ARAP2: variants seen among roughly 807,000 people sequenced by gnomAD.
The protein encoded by ARAP2 is ArfGAP with RhoGAP domain, ankyrin repeat and PH domain 2.
Under a neutral mutation model 194.5 loss-of-function variants are expected in ARAP2, and 148 were observed. That is an observed-to-expected ratio of 0.76 (90% CI 0.67 to 0.87). The LOEUF is 0.87. Ranked by LOEUF, ARAP2 falls within the 40% of genes least tolerant of loss-of-function variation. The pLI is 0.00. For synonymous variants in ARAP2, 695 were observed against 683.5 expected, an observed-to-expected ratio of 1.02 and a Z score of -0.26; for missense variants, 2,128 against 1,989.7, an observed-to-expected ratio of 1.07 and a Z score of -1.32.
intron 2 of ARAP2, among the ~76,000 whole-genome samples, chr4:36,055,682 A>C (rs925821881): frequency 6.6e-6 from 1 of 151,062 alleles, no homozygotes; most frequent in Non-Finnish European, 1.5e-5. Flanking sequence ...TCCTACCTCA[A>C]CCTCCCAAGG....
chr4:36,007,197 C>T (rs28373164), intron 9 of ARAP2, among the ~76,000 whole-genome samples: 40,350 of 152,030 alleles, frequency 0.27, 5,310 homozygotes, highest in South Asian at 0.32. Context: ...TTGTGGCCCC[C>T]GAAATATATT....
chr4:36,194,203 A>G, intron 6 of ARAP2, among the ~76,000 whole-genome samples: 1 of 152,226 alleles, frequency 6.6e-6, no homozygotes, highest in East Asian at 1.9e-4. Context: ...TTTTTAAATG[A>G]TCATATGAAA....
intron 4 of ARAP2, 146 bp downstream of exon 4, chr4:36,213,097 T>G (rs1484175716): frequency 3.1e-6 from 2 of 636,500 alleles, no homozygotes; most frequent in African/African-American, 3.8e-5. Context: ...ACCATAATTT[T>G]ACTGAACAAA....
rs544277747 is a variant in ARAP2, at chr4:36,108,263, T to C, written c.4157-570A>G. 2.7e-4 allele frequency among the ~76,000 whole-genome samples: 41 copies of C among 151,954 alleles called. 1 individual carries two copies. The highest frequency in any genetic ancestry group is 1.4e-3 in the Admixed American group (21 of 15,240). On this transcript the variant is annotated intron_variant, in intron 26 of 32. Transcript: ENST00000303965. ...GAAACCTTCTTATTTTTATATGCAATTAAATGGTTTTAAAAGGACTAACAA... is the reference window on the plus strand; with the variant it reads ...GAAACCTTCTTATTTTTATATGCAACTAAATGGTTTTAAAAGGACTAACAA...
chr4:36,021,890 A>G lies in ARAP2; in HGVS notation n.608-2604T>C, dbSNP rs533464115. Among the ~76,000 whole-genome samples, 514 of 152,308 alleles carry G rather than the reference A, an allele frequency of 3.4e-3. 3 individuals carry two copies. Among genetic ancestry groups the G allele is most frequent in the African/African-American group, 0.012 (486 of 41,574 alleles). The stretch of plus-strand genomic sequence containing the variant: ...GATACACTTTGAGAAATGAGTCATT[A>G]TACAGTTTTGTTGTGTGAACATCAG... On this transcript the variant is annotated intron_variant and non_coding_transcript_variant, in intron 5 of 12. Coordinates refer to the ARAP2 transcript ENST00000503225.
intron 9 of ARAP2, among the ~76,000 whole-genome samples, chr4:36,175,480 G>C (rs879636841): frequency 3.3e-5 from 5 of 152,196 alleles, no homozygotes; most frequent in South Asian, 2.1e-4. Flanking sequence ...TGGTATGCCA[G>C]GGCCTGAACG....
rs943987994 is a variant in ARAP2 at position 36,117,053 on chromosome 4, G to C, written c.4038+8C>G. ...ACAGTCCTCTTTACATCCACCTTTA[G>C]AACTTACCCGAATTATAATACTACA... is the stretch of plus-strand genomic sequence containing the variant. On this transcript the variant is annotated splice_region_variant and intron_variant, in intron 25 of 32. Coordinates refer to ENST00000303965, the MANE Select transcript of ARAP2 (RefSeq NM_015230.4). The C allele has an allele frequency of 3.2e-6, 5 of 1,573,814 alleles. No individual in the cohort carries two copies. Among genetic ancestry groups the C allele is most frequent in the Non-Finnish European group, 4.3e-6 (5 of 1,160,384 alleles).
intron 27 of ARAP2, among the ~76,000 whole-genome samples, chr4:36,094,033 G>A (rs961191513): frequency 6.6e-6 from 1 of 152,038 alleles, no homozygotes; most frequent in Non-Finnish European, 1.5e-5. Context: ...ATTATGATGG[G>A]TCTAATGGAC....
chr4:36,223,576 C>T (rs73130410), intron 2 of ARAP2, among the ~76,000 whole-genome samples: 4,117 of 152,164 alleles, frequency 0.027, 169 homozygotes, highest in African/African-American at 0.093. Flanking sequence ...CCCTACCCCA[C>T]AAAATTCATA....
chr4:36,090,499 T>A (rs1713289330), intron 28 of ARAP2, among the ~76,000 whole-genome samples: 1 of 151,858 alleles, frequency 6.6e-6, no homozygotes, highest in Admixed American at 6.6e-5. Flanking sequence ...AGTGCAAAAA[T>A]CCTCAACAAA....
chr4:36,087,137 T>G (rs1199908583), intron 28 of ARAP2, among the ~76,000 whole-genome samples: 1 of 152,100 alleles, frequency 6.6e-6, no homozygotes, highest in Non-Finnish European at 1.5e-5. Flanking sequence ...TTAGGATATT[T>G]TACTGTTGAT....
intron 31 of ARAP2, among the ~76,000 whole-genome samples, chr4:36,075,942 C>T (rs963242191): frequency 3.3e-5 from 5 of 152,156 alleles, no homozygotes; most frequent in Admixed American, 2.6e-4. Flanking sequence ...GATTACTTCT[C>T]TCCTTTGCCT....
intron 6 of ARAP2, among the ~76,000 whole-genome samples, chr4:36,198,079 T>C (rs1442671288): frequency 6.6e-6 from 1 of 151,984 alleles, no homozygotes; most frequent in Non-Finnish European, 1.5e-5. Flanking sequence ...AAGAAGGAGG[T>C]ACGCAGACAA....
At chr4:36,077,528 C>G (rs1377599001) in intron 31 of ARAP2, among the ~76,000 whole-genome samples, 1 of 152,022 alleles carries the variant, frequency 6.6e-6, no homozygotes, top group African/African-American at 2.4e-5. Flanking sequence ...CCACAGACAA[C>G]GTAGTCACTT....
intron 26 of ARAP2, 150 bp from the exon 27 acceptor site, chr4:36,107,843 C>T: frequency 1.6e-6 from 1 of 629,934 alleles, no homozygotes; most frequent in Non-Finnish European, 2.4e-6. Context: ...ACAGTAATAG[C>T]ACTATGACTA....
intron 5 of ARAP2, among the ~76,000 whole-genome samples, chr4:36,032,250 T>G (rs1401592105): frequency 1.3e-5 from 2 of 151,966 alleles, no homozygotes; most frequent in Non-Finnish European, 2.9e-5. Context: ...AGGTAGGAGG[T>G]AAAGAAATTG....
intron 26 of ARAP2, among the ~76,000 whole-genome samples, chr4:36,112,447 G>A (rs1720245301): frequency 6.6e-6 from 1 of 151,876 alleles, no homozygotes; most frequent in African/African-American, 2.4e-5. Flanking sequence ...GGTTTTATGT[G>A]GTGGAACAAT....
chr4:36,025,659 T>G (rs1327752178), intron 5 of ARAP2, among the ~76,000 whole-genome samples: 4 of 151,370 alleles, frequency 2.6e-5, no homozygotes, highest in Non-Finnish European at 5.9e-5. Flanking sequence ...GGAATGGCTG[T>G]GGAGAATTAC....
chr4:36,128,860 G>A (rs772852399), intron 20 of ARAP2, 115 bp from the exon 21 acceptor site: 131 of 815,288 alleles, frequency 1.6e-4, no homozygotes, highest in Non-Finnish European at 2.1e-4. Flanking sequence ...AAATCATTAC[G>A]CAAGAGATGA....
Sources: allele counts gnomAD v4.1 joint callset (sites outside exome capture counted in the v4.1 genomes callset), GRCh38; gene constraint gnomAD v4.1.1; transcripts MANE v1.5; gene names NCBI Gene and HGNC (gene_info 2026-07-23, HGNC 2026-07-21).